The following CDH17 variants were observed in gnomAD, a reference collection of about 807,000 sequenced individuals.
CDH17 encodes the protein cadherin 17.
A neutral mutation model predicts 86.3 loss-of-function variants in CDH17; 67 were observed. That is an observed-to-expected ratio of 0.78 (90% CI 0.64 to 0.95). CDH17 has a LOEUF of 0.95. CDH17 is among the 40% of genes least tolerant of loss of function. CDH17 has a pLI of 0.00. For synonymous variants in CDH17, 367 were observed against 366.4 expected (o/e 1.00, Z -0.02); for missense variants, 993 against 1,017.6 (o/e 0.98, Z 0.33).
chr8:94,204,700 AAAGAATAACAAGTTCC>A (rs1307668401), intron 1 of CDH17, among the ~76,000 whole-genome samples: 1 of 152,206 alleles, frequency 6.6e-6, no homozygotes, highest in Admixed American at 6.5e-5. Flanking sequence ...TTATTAAAGA[AAAGAATAACAAGTTCC>A]AAGAAATATT....
At chr8:94,149,490 G>C (rs1726025827) in intron 13 of CDH17, among the ~76,000 whole-genome samples, 2 of 152,110 alleles carry the variant, frequency 1.3e-5, no homozygotes, top group South Asian at 4.1e-4. Context: ...ACAACAGAGG[G>C]GGCCCTATGG....
chr8:94,166,611 T>C (rs1813163089), intron 9 of CDH17, among the ~76,000 whole-genome samples: 1 of 152,112 alleles, frequency 6.6e-6, no homozygotes. Context: ...CAAAACTTCA[T>C]GTCTACCAGA....
chr8:94,176,569 T>G lies in CDH17; in HGVS notation c.396A>C (p.Glu132Asp). ...NRPTFLQSKY[E>D]GSVRQNSRPG... is the part of the protein sequence containing the mutation. ...GGCGAGAGTTCTGCCTTACTGAGCC[T>G]TCGTACTTTGACTGGAGAAACGTGG... Residue 132 changes from glutamate to aspartate, a missense_variant, in exon 5 of 18, where the codon GAA becomes GAC. Coordinates refer to ENST00000027335, the MANE Select transcript of CDH17 (RefSeq NM_004063.4). 6.2e-7 allele frequency: 1 copy of G among 1,613,866 alleles called. No individual in the cohort carries two copies. The highest frequency in any genetic ancestry group is 2.2e-5 in the East Asian group (1 of 44,858).
At chr8:94,177,759 A>G in intron 3 of CDH17, 38 bp from the exon 4 acceptor site, 1 of 1,603,682 alleles carries the variant, frequency 6.2e-7, no homozygotes, top group Non-Finnish European at 8.5e-7. Flanking sequence ...GTTGTAAGGG[A>G]AAAAACAATG....
At chr8:94,212,267 C>G (rs1218953161), upstream of CDH17, among the ~76,000 whole-genome samples, 2 of 152,186 alleles carry the variant, frequency 1.3e-5, no homozygotes, top group Non-Finnish European at 2.9e-5. Context: ...GCCATCCTCC[C>G]ACCTAAGCCT....
chr8:94,184,480 C>T (rs1813539747), intron 3 of CDH17, among the ~76,000 whole-genome samples: 1 of 152,050 alleles, frequency 6.6e-6, no homozygotes. Context: ...ACATAAAAGG[C>T]CATATGTTGT....
intron 2 of CDH17, 58 bp from the exon 3 acceptor site, chr8:94,189,343 G>T: frequency 8.2e-7 from 1 of 1,220,560 alleles, no homozygotes; most frequent in Non-Finnish European, 1.2e-6. Context: ...GTCACTCATT[G>T]ATTTTATTAG....
At chr8:94,213,568 C>A (rs1266527541) in intron 1 of CDH17, among the ~76,000 whole-genome samples, 1 of 121,362 alleles carries the variant, frequency 8.2e-6, no homozygotes, top group Non-Finnish European at 2.0e-5. Flanking sequence ...TCTTTAAATT[C>A]CAAGAAATGA....
At chr8:94,140,353 C>T (rs540021741) in intron 15 of CDH17, among the ~76,000 whole-genome samples, 1 of 152,088 alleles carries the variant, frequency 6.6e-6, no homozygotes, top group South Asian at 2.1e-4. Flanking sequence ...TCGTCTGAGC[C>T]CAGGAATTCA....
chr8:94,174,019 G>A (rs2130641684), intron 6 of CDH17, 23 bp from the exon 7 acceptor site: 1 of 1,610,224 alleles, frequency 6.2e-7, no homozygotes, highest in East Asian at 2.2e-5. Flanking sequence ...GGGGAGAAGG[G>A]AATAGGAAGT....
chr8:94,204,758 G>T (rs11779791), intron 1 of CDH17, among the ~76,000 whole-genome samples: 63,938 of 152,000 alleles, frequency 0.42, 14,631 homozygotes, highest in Middle Eastern at 0.54. Context: ...CCTGGTTGGC[G>T]TTTGTTCCCC....
At chr8:94,143,659 C>T (rs1031835596) in intron 15 of CDH17, among the ~76,000 whole-genome samples, 2 of 152,218 alleles carry the variant, frequency 1.3e-5, no homozygotes, top group African/African-American at 4.8e-5. Context: ...GGATTACTTG[C>T]TTCTGCATCA....
At chr8:94,180,258 C>A (rs1212578255) in intron 3 of CDH17, among the ~76,000 whole-genome samples, 2 of 151,320 alleles carry the variant, frequency 1.3e-5, no homozygotes, top group Non-Finnish European at 2.9e-5. Context: ...AAAAAATGAA[C>A]AAAAATGAAT....
At chr8:94,144,600 C>T (rs1219539838) in intron 15 of CDH17, among the ~76,000 whole-genome samples, 2 of 151,930 alleles carry the variant, frequency 1.3e-5, no homozygotes, top group Non-Finnish European at 1.5e-5. Context: ...AAACAGAAAA[C>T]TTTAGGGACC....
chr8:94,207,612 C>T (rs1814054994), intron 1 of CDH17, among the ~76,000 whole-genome samples: 2 of 152,128 alleles, frequency 1.3e-5, no homozygotes, highest in East Asian at 3.8e-4. Flanking sequence ...TTTTCTTCTT[C>T]TTTCAAATAA....
At chr8:94,201,523 C>T (rs1016521865) in intron 1 of CDH17, among the ~76,000 whole-genome samples, 10 of 152,218 alleles carry the variant, frequency 6.6e-5, no homozygotes, top group Non-Finnish European at 1.2e-4. Flanking sequence ...CAGCCATCTA[C>T]AAGCCAAGGA....
chr8:94,209,912 AATTT>A (rs1472198683), upstream of CDH17, among the ~76,000 whole-genome samples: 2 of 133,898 alleles, frequency 1.5e-5, no homozygotes, highest in Admixed American at 1.5e-4. Flanking sequence ...AGTGCTTTTA[AATTT>A]ATGAGTTTTT....
intron 7 of CDH17, among the ~76,000 whole-genome samples, chr8:94,171,199 G>A (rs1813263156): frequency 6.6e-6 from 1 of 152,010 alleles, no homozygotes; most frequent in South Asian, 2.1e-4. Flanking sequence ...ACCAGGAAAT[G>A]TTTCTTCTCT....
At chr8:94,176,891 G>T (rs1321407375) in intron 4 of CDH17, among the ~76,000 whole-genome samples, 1 of 152,214 alleles carries the variant, frequency 6.6e-6, no homozygotes, top group African/African-American at 2.4e-5. Context: ...TATCAGCAGG[G>T]TGTTCTGGAC....
Sources: allele counts gnomAD v4.1 joint callset (sites outside exome capture counted in the v4.1 genomes callset), GRCh38; gene constraint gnomAD v4.1.1; transcripts MANE v1.5; gene names NCBI Gene and HGNC (gene_info 2026-07-23, HGNC 2026-07-21).